The following VPS13B variants were observed in gnomAD, a reference collection of about 807,000 sequenced individuals.
The protein encoded by VPS13B is vacuolar protein sorting 13 homolog B, also known as intermembrane lipid transfer protein VPS13B.
In VPS13B, 285 loss-of-function variants were observed where a neutral mutation model predicts 426.4. That is an observed-to-expected ratio of 0.67 (90% CI 0.61 to 0.74). The LOEUF is 0.74. VPS13B is among the 30% of genes least tolerant of loss of function. The pLI is 0.00. For missense variants in VPS13B, 4,537 were observed against 4,782.6 expected, an observed-to-expected ratio of 0.95 and a Z score of 1.51; for synonymous variants, 1,676 against 1,676.4, an observed-to-expected ratio of 1.00 and a Z score of 0.01.
intron 31 of VPS13B, among the ~76,000 whole-genome samples, chr8:99,559,175 CA>C (rs1316604360): frequency 6.6e-6 from 1 of 152,126 alleles, no homozygotes; most frequent in Non-Finnish European, 1.5e-5. Flanking sequence ...GAGCATTTTT[CA>C]TGTGTCTGTT....
rs770738729 is a variant in VPS13B at position 99,111,101 on chromosome 8, C to G, written c.584C>G (p.Thr195Ser). The part of the protein sequence containing the change: ...WDRAFMDISA[T>S]DLVLRKVINF... Reference sequence around the variant, plus strand: ...AAATGTTTTTTTTTCTTTTTAGCAACTGATTTGGTGCTGAGAAAGGTTATC... The same window carrying G: ...AAATGTTTTTTTTTCTTTTTAGCAAGTGATTTGGTGCTGAGAAAGGTTATC... The change falls in exon 6 of 62, where the codon ACT becomes AGT. Residue 195 changes from threonine (T) to serine (S), a missense_variant. Transcript: ENST00000357162. The G allele has an allele frequency of 1.6e-5, 25 of 1,596,014 alleles. No homozygotes were observed. The African/African-American group carries it at 1.9e-4, about 12-fold the overall frequency.
intron 39 of VPS13B, among the ~76,000 whole-genome samples, chr8:99,754,748 T>C (rs977626193): frequency 6.6e-6 from 1 of 152,206 alleles, no homozygotes; most frequent in Non-Finnish European, 1.5e-5. Flanking sequence ...ATCTTAACAT[T>C]GTATAAGTGC....
chr8:99,194,659 C>A (rs1813804116), intron 17 of VPS13B, among the ~76,000 whole-genome samples: 1 of 152,068 alleles, frequency 6.6e-6, no homozygotes, highest in African/African-American at 2.4e-5. Flanking sequence ...TTTCTTTATC[C>A]ATTCATCCCT....
At chr8:99,766,680 G>A in intron 39 of VPS13B, 94 bp from the exon 40 acceptor site, 1 of 1,127,058 alleles carries the variant, frequency 8.9e-7, no homozygotes, top group Non-Finnish European at 1.3e-6. Context: ...AGGTCTTAAT[G>A]TTATAATTTT....
intron 19 of VPS13B, among the ~76,000 whole-genome samples, chr8:99,361,549 A>G (rs557923612): frequency 1.3e-5 from 2 of 152,302 alleles, no homozygotes; most frequent in East Asian, 3.9e-4. Flanking sequence ...TGATTAAATT[A>G]TACCCCACTC....
intron 55 of VPS13B, among the ~76,000 whole-genome samples, chr8:99,849,772 A>G (rs1419396678): frequency 1.3e-5 from 2 of 152,206 alleles, no homozygotes; most frequent in Non-Finnish European, 2.9e-5. Context: ...GATGATACAT[A>G]ATTGTACTAT....
At chr8:99,293,414 C>T (rs1428224415) in intron 19 of VPS13B, among the ~76,000 whole-genome samples, 2 of 103,456 alleles carry the variant, frequency 1.9e-5, no homozygotes, top group Non-Finnish European at 3.9e-5. Context: ...AAGATTTAAA[C>T]GTTAGACCTA....
At chr8:99,800,810 G>A (rs994734568) in intron 43 of VPS13B, among the ~76,000 whole-genome samples, 3 of 152,016 alleles carry the variant, frequency 2.0e-5, no homozygotes, top group African/African-American at 7.2e-5. Flanking sequence ...ATTTAGAGTT[G>A]TGTTTATAGT....
intron 15 of VPS13B, among the ~76,000 whole-genome samples, chr8:99,160,243 C>G (rs773213365): frequency 5.9e-5 from 9 of 152,066 alleles, no homozygotes; most frequent in Non-Finnish European, 1.0e-4. Context: ...ACAATAACCT[C>G]AAATGTTGAA....
At chr8:99,572,590 G>T (rs1489560309) in intron 31 of VPS13B, among the ~76,000 whole-genome samples, 4 of 152,130 alleles carry the variant, frequency 2.6e-5, no homozygotes, top group Non-Finnish European at 5.9e-5. Context: ...TGCTGAGAAT[G>T]ATGGTTTCCA....
chr8:99,756,783 C>T (rs772835498), intron 39 of VPS13B, among the ~76,000 whole-genome samples: 23 of 152,086 alleles, frequency 1.5e-4, no homozygotes, highest in East Asian at 1.3e-3. Flanking sequence ...ATGTATTCTC[C>T]GTTTATTGCT....
At chr8:99,826,069 A>G (rs1312119219) in intron 51 of VPS13B, among the ~76,000 whole-genome samples, 1 of 152,250 alleles carries the variant, frequency 6.6e-6, no homozygotes, top group East Asian at 1.9e-4. Context: ...TTTTGGTTCT[A>G]CATGAAGTTT....
intron 15 of VPS13B, among the ~76,000 whole-genome samples, chr8:99,159,136 A>G (rs139274906): frequency 6.6e-6 from 1 of 152,340 alleles, no homozygotes; most frequent in Non-Finnish European, 1.5e-5. Context: ...CCATGGAGGA[A>G]GTAACTGCAG....
intron 8 of VPS13B, among the ~76,000 whole-genome samples, chr8:99,127,263 T>G (rs558817491): frequency 6.6e-6 from 1 of 152,136 alleles, no homozygotes; most frequent in Non-Finnish European, 1.5e-5. Flanking sequence ...ACTCCCAAGG[T>G]GATATAACTC....
At chr8:99,188,261 A>G (rs1374159858) in intron 16 of VPS13B, among the ~76,000 whole-genome samples, 1 of 151,992 alleles carries the variant, frequency 6.6e-6, no homozygotes, top group East Asian at 1.9e-4. Flanking sequence ...ATTCCAGAAC[A>G]TTTTCAAAAC....
At chr8:99,460,267 G>C (rs974974206) in intron 23 of VPS13B, among the ~76,000 whole-genome samples, 2 of 151,746 alleles carry the variant, frequency 1.3e-5, no homozygotes, top group Non-Finnish European at 2.9e-5. Flanking sequence ...TATTTTCAAT[G>C]GTGGCTCTCG....
intron 3 of VPS13B, among the ~76,000 whole-genome samples, chr8:99,088,437 AT>A (rs371766817): frequency 2.6e-5 from 4 of 152,212 alleles, no homozygotes; most frequent in African/African-American, 9.6e-5. Context: ...TAATAGTGTC[AT>A]TAACTGAATT....
chr8:99,434,707 T>C (rs1817284133), intron 22 of VPS13B, among the ~76,000 whole-genome samples: 1 of 152,218 alleles, frequency 6.6e-6, no homozygotes, highest in African/African-American at 2.4e-5. Flanking sequence ...ATGCCTCTTA[T>C]AAGAAAATTA....
chr8:99,871,281 A>G lies in VPS13B; in HGVS notation c.11496-167A>G. 4 of 1,058,598 alleles carry G rather than the reference A, an allele frequency of 3.8e-6. No homozygotes were observed. In the Admixed American group the frequency reaches 8.0e-5, roughly 21 times the overall value. The allele number at this position is 1,058,598 out of a possible 1,614,324, so 65.6% of individuals were successfully genotyped here. A position where few individuals can be genotyped will look rare whatever the true frequency, so the allele number is the denominator to read the frequency against. ...CAGGAGGAAGCAGGTTCTGTTAATC[A>G]GAATCAGTCTGAGAACTGACAATTA... On this transcript the variant is annotated intron_variant, in intron 60 of 61. Transcript: ENST00000357162.
Sources: gnomAD v4.1 joint callset for allele counts (sites outside exome capture counted in the v4.1 genomes callset) on GRCh38, gnomAD v4.1.1 for gene constraint, MANE v1.5 for transcripts, NCBI Gene and HGNC (gene_info 2026-07-23, HGNC 2026-07-21) for gene names.